Variants in PSD3 observed in about 807,000 individuals in gnomAD.
PSD3 encodes PH and SEC7 domain-containing protein 3.
PSD3 carries 49 observed loss-of-function variants against 105.5 expected under a neutral mutation model. The ratio of observed to expected loss-of-function variants is 0.46; its 90% CI spans 0.37 to 0.59. The LOEUF (loss-of-function observed/expected upper bound fraction) is 0.59, where lower values mean the gene tolerates loss of function less well. PSD3 is among the 20% of genes least tolerant of loss of function. The pLI, the probability that PSD3 is intolerant of heterozygous loss-of-function variation, is 0.00. For synonymous variants in PSD3, 557 were observed against 457.8 expected (o/e 1.22, Z -2.77); for missense variants, 1,561 against 1,263.8 (o/e 1.24, Z -3.57).
intron 14 of PSD3, among the ~76,000 whole-genome samples, chr8:18,567,761 A>G (rs183833601): frequency 1.3e-5 from 2 of 152,196 alleles, no homozygotes; most frequent in African/African-American, 4.8e-5. Context: ...AAGAAGGCCA[A>G]TGTGGTTTGT....
At chr8:19,075,406 A>G (rs562607348) in intron 1 of PSD3, among the ~76,000 whole-genome samples, 1 of 152,354 alleles carries the variant, frequency 6.6e-6, no homozygotes, top group East Asian at 1.9e-4. Flanking sequence ...CCCAGCCTAT[A>G]AACCTTTATC....
intron 12 of PSD3, among the ~76,000 whole-genome samples, chr8:18,592,142 T>TA (rs933789377): frequency 2.6e-5 from 4 of 151,834 alleles, no homozygotes; most frequent in Admixed American, 6.6e-5. Flanking sequence ...CTCAACAAGC[T>TA]AAAAAAAGAT....
rs1809402965 is a variant in PSD3 at position 18,662,275 on chromosome 8, G to C, written c.2173-6590C>G. On this transcript the variant is annotated intron_variant, in intron 9 of 15. Transcript: ENST00000327040. ...AATCATTTTTAAGCACATTCCAGAG[G>C]CTAGGGAGGCATTATGCTAGGTACA... Among the ~76,000 whole-genome samples, 4 of 152,190 alleles carry C rather than the reference G, an allele frequency of 2.6e-5. No homozygotes were observed. In the South Asian group the frequency reaches 8.3e-4, roughly 32 times the overall value.
intron 2 of PSD3, among the ~76,000 whole-genome samples, chr8:18,920,038 C>CA (rs548358518): frequency 4.6e-4 from 62 of 134,226 alleles, no homozygotes; most frequent in African/African-American, 9.1e-4. Context: ...AAAACAATCA[C>CA]AAAAAAAAAA....
intron 2 of PSD3, among the ~76,000 whole-genome samples, chr8:18,932,449 C>T (rs1343152973): frequency 6.6e-6 from 1 of 152,204 alleles, no homozygotes; most frequent in Non-Finnish European, 1.5e-5. Context: ...ATTCTCCACG[C>T]AACTGAATAA....
At chr8:18,585,502 G>T (rs893308290) in intron 12 of PSD3, among the ~76,000 whole-genome samples, 2 of 152,110 alleles carry the variant, frequency 1.3e-5, no homozygotes, top group Admixed American at 1.3e-4. Context: ...ATTTTTTGTA[G>T]AGATGGGGTT....
At position 18,760,787 on chromosome 8, in the gene PSD3, T is replaced by G. The variant is rs904689054; in HGVS notation, c.2172+4662A>C. Among the ~76,000 whole-genome samples the G allele has an allele frequency of 2.0e-4, 31 of 151,922 alleles. 1 individual carries two copies. The highest frequency in any genetic ancestry group is 4.4e-5 in the Non-Finnish European group (3 of 67,992). Reference sequence around the variant, plus strand: ...CGCTGATAAGACTGGGTGAAAGAAGTCCCCAGGCTGACACAGTCAAGAGTC... The same window carrying G: ...CGCTGATAAGACTGGGTGAAAGAAGGCCCCAGGCTGACACAGTCAAGAGTC... On this transcript the variant is annotated intron_variant, in intron 9 of 15. Coordinates refer to ENST00000327040, the MANE Select transcript of PSD3 (RefSeq NM_015310.4).
At chr8:18,949,709 T>C (rs966979533) in intron 1 of PSD3, among the ~76,000 whole-genome samples, 6 of 152,082 alleles carry the variant, frequency 3.9e-5, no homozygotes, top group African/African-American at 1.4e-4. Context: ...TATGAAGAAC[T>C]GTCCATAAAC....
rs1443529647 is a variant in PSD3 at position 18,594,311 on chromosome 8, TATTATATATAATATATATTATA to T, written c.2481+6031_2481+6052del. Among the ~76,000 whole-genome samples, 15 of 43,738 alleles carry T rather than the reference TATTATATATAATATATATTATA, an allele frequency of 3.4e-4. 2 individuals are homozygous for T. The highest frequency in any genetic ancestry group is 1.5e-3 in the African/African-American group (11 of 7,556). The allele number at this position is 43,738 out of a possible 152,430, so 28.7% of individuals were successfully genotyped here. ...ATATATTATATATAATAATATATAT[TATTATATATAATATATATTATA>T]ATATATAATATATATTCTATATATT... is the stretch of plus-strand genomic sequence containing the variant. On this transcript the variant is annotated intron_variant, in intron 12 of 15. Coordinates refer to ENST00000327040, the MANE Select transcript of PSD3 (RefSeq NM_015310.4).
intron 11 of PSD3, among the ~76,000 whole-genome samples, chr8:18,620,449 C>T (rs2130708457): frequency 6.6e-6 from 1 of 151,538 alleles, no homozygotes; most frequent in African/African-American, 2.4e-5. Context: ...GTGGCTTACA[C>T]CTGTAATCCC....
intron 15 of PSD3, among the ~76,000 whole-genome samples, chr8:18,545,987 A>G (rs1800427674): frequency 6.6e-6 from 1 of 152,078 alleles, no homozygotes; most frequent in Admixed American, 6.5e-5. Context: ...TTCCTTTTGG[A>G]CCTGAAGTAG....
At chr8:19,019,059 G>A (rs1303742802) in intron 1 of PSD3, among the ~76,000 whole-genome samples, 1 of 152,124 alleles carries the variant, frequency 6.6e-6, no homozygotes, top group Non-Finnish European at 1.5e-5. Context: ...TCTCCCAAAA[G>A]GCTGGGATTA....
chr8:18,869,471 G>A (rs1817180024), intron 3 of PSD3, among the ~76,000 whole-genome samples: 1 of 152,034 alleles, frequency 6.6e-6, no homozygotes, highest in African/African-American at 2.4e-5. Flanking sequence ...GAGCCACCAT[G>A]CCAAGCCTCC....
intron 4 of PSD3, chr8:18,854,242 C>A (rs1210289210): frequency 6.5e-6 from 1 of 152,894 alleles, no homozygotes; most frequent in Non-Finnish European, 1.5e-5. Context: ...CAAACTGCTA[C>A]ACACTGACTC....
intron 2 of PSD3, 97 bp downstream of exon 2, chr8:18,935,937 G>A: frequency 2.8e-6 from 2 of 701,860 alleles, no homozygotes; most frequent in Non-Finnish European, 2.4e-6. Context: ...AGGTTTCACA[G>A]AGGGAAGAAG....
chr8:18,948,047 C>T (rs796834701), intron 1 of PSD3, among the ~76,000 whole-genome samples: 1 of 152,174 alleles, frequency 6.6e-6, no homozygotes, highest in Non-Finnish European at 1.5e-5. Flanking sequence ...GCATATCCTC[C>T]GCCTTTGCCA....
intron 11 of PSD3, among the ~76,000 whole-genome samples, chr8:18,614,618 T>A (rs1016595511): frequency 5.3e-5 from 8 of 152,152 alleles, no homozygotes; most frequent in African/African-American, 1.7e-4. Flanking sequence ...AATGAACATT[T>A]GTGACAAGTG....
At chr8:18,832,216 A>G (rs905654673) in intron 4 of PSD3, among the ~76,000 whole-genome samples, 1 of 152,192 alleles carries the variant, frequency 6.6e-6, no homozygotes, top group African/African-American at 2.4e-5. Context: ...GTATCACTGC[A>G]ACCCTAAAGA....
In PSD3 at chr8:18,819,575, A is replaced by ATTTTTTTT. The variant is rs746931460; in HGVS notation, c.1635-14685_1635-14678dup. Reference sequence around the variant, plus strand: ...TTCAAATTCTTTAAAATTAGAATGGATTTTTTTTTTTTTTTTTTTTTGAGA... The same window carrying ATTTTTTTT: ...TTCAAATTCTTTAAAATTAGAATGGATTTTTTTTTTTTTTTTTTTTTTTTTTTTTGAGA... On this transcript the variant is annotated intron_variant, in intron 4 of 15. Coordinates refer to ENST00000327040, the MANE Select transcript of PSD3 (RefSeq NM_015310.4). 6.8e-3 allele frequency among the ~76,000 whole-genome samples: 754 copies of ATTTTTTTT among 111,308 alleles called. 10 individuals are homozygous for ATTTTTTTT. The highest frequency in any genetic ancestry group is 0.017 in the East Asian group (51 of 2,992). 73.0% of individuals were successfully genotyped at this position (111,308 alleles called of 152,430 possible).
Sources: gnomAD v4.1 joint callset for allele counts (sites outside exome capture counted in the v4.1 genomes callset) on GRCh38, gnomAD v4.1.1 for gene constraint, MANE v1.5 for transcripts, NCBI Gene and HGNC (gene_info 2026-07-23, HGNC 2026-07-21) for gene names.